The following RPSA2 variants were observed in gnomAD, a reference collection of about 807,000 sequenced individuals.
RPSA2 encodes the protein ribosomal protein SA 2, also known as small ribosomal subunit protein uS2B.
chr19:23,780,438 TC>T, the RPSA2 span, among the ~76,000 whole-genome samples: 7 of 151,990 alleles, frequency 4.6e-5, no homozygotes, highest in African/African-American at 1.7e-4. Context: ...GGTCAGGAGA[TC>T]GAGACCATCC....
At chr19:23,840,551 A>G in the RPSA2 span, among the ~76,000 whole-genome samples, 1 of 152,248 alleles carries the variant, frequency 6.6e-6, no homozygotes, top group African/African-American at 2.4e-5. Flanking sequence ...ACACTTAAAA[A>G]AGATGGAATT....
chr19:23,768,136 G>A, the RPSA2 span, among the ~76,000 whole-genome samples: 1 of 151,914 alleles, frequency 6.6e-6, no homozygotes, highest in Non-Finnish European at 1.5e-5. Context: ...AAAAGTCAAC[G>A]ACTATGAAAG....
chr19:23,768,417 G>T, the RPSA2 span, among the ~76,000 whole-genome samples: 1 of 150,098 alleles, frequency 6.7e-6, no homozygotes, highest in Non-Finnish European at 1.5e-5. Flanking sequence ...GGATATCTCT[G>T]TTCTGTATTC....
chr19:23,811,070 A>G, the RPSA2 span, among the ~76,000 whole-genome samples: 3 of 150,762 alleles, frequency 2.0e-5, no homozygotes, highest in African/African-American at 7.3e-5. Context: ...GCAGTGGCGA[A>G]TGCAGTGGCA....
the RPSA2 span, chr19:23,828,109 A>T: frequency 2.0e-6 from 1 of 503,584 alleles, no homozygotes; most frequent in South Asian, 2.2e-5. Context: ...AATAAACATC[A>T]GTTTCTAAAA....
chr19:23,860,605 G>A, the RPSA2 span, among the ~76,000 whole-genome samples: 7 of 152,158 alleles, frequency 4.6e-5, no homozygotes, highest in Non-Finnish European at 1.0e-4. Flanking sequence ...CAAGCTTGCT[G>A]ATAGTGATCT....
the RPSA2 span, among the ~76,000 whole-genome samples, chr19:23,775,340 C>G: frequency 6.6e-6 from 1 of 152,090 alleles, no homozygotes; most frequent in Non-Finnish European, 1.5e-5. Context: ...TATTAATAAG[C>G]CTAGCTTATA....
chr19:23,805,318 C>T, the RPSA2 span, among the ~76,000 whole-genome samples: 1 of 152,060 alleles, frequency 6.6e-6, no homozygotes, highest in Non-Finnish European at 1.5e-5. Context: ...GCATGTGCCA[C>T]CACGCCCTGC....
chr19:23,810,437 T>G, the RPSA2 span, among the ~76,000 whole-genome samples: 9 of 6,168 alleles, frequency 1.5e-3, 4 homozygotes, highest in Non-Finnish European at 0.021. Flanking sequence ...AGGGCTTGGA[T>G]AGTTGTAGTT....
the RPSA2 span, among the ~76,000 whole-genome samples, chr19:23,866,201 C>A: frequency 6.6e-6 from 1 of 152,190 alleles, no homozygotes; most frequent in Non-Finnish European, 1.5e-5. Flanking sequence ...AGTTACAGTG[C>A]AGTCTTTTCT....
the RPSA2 span, among the ~76,000 whole-genome samples, chr19:23,847,820 T>G: frequency 6.6e-6 from 1 of 152,114 alleles, no homozygotes; most frequent in Non-Finnish European, 1.5e-5. Flanking sequence ...CCCCCAGGAA[T>G]GCAATTCTTT....
chr19:23,832,551 A>T, the RPSA2 span: 1 of 859,372 alleles, frequency 1.2e-6, no homozygotes, highest in Non-Finnish European at 1.7e-6. Context: ...AAGAAACCCT[A>T]CAAATGTCAA....
chr19:23,825,125 G>A, the RPSA2 span, among the ~76,000 whole-genome samples: 13 of 151,942 alleles, frequency 8.6e-5, no homozygotes, highest in African/African-American at 2.9e-4. Context: ...GAGTACAGGT[G>A]CCCGCCACCA....
the RPSA2 span, among the ~76,000 whole-genome samples, chr19:23,870,088 C>T: frequency 6.6e-6 from 1 of 152,150 alleles, no homozygotes; most frequent in Non-Finnish European, 1.5e-5. Flanking sequence ...TGATGCCACC[C>T]CTGTTTGGCA....
At chr19:23,792,805 G>A in the RPSA2 span, among the ~76,000 whole-genome samples, 1 of 151,970 alleles carries the variant, frequency 6.6e-6, no homozygotes, top group African/African-American at 2.4e-5. Flanking sequence ...GAGCCACCGC[G>A]CCAGGCCAAG....
the RPSA2 span, among the ~76,000 whole-genome samples, chr19:23,814,529 C>A: frequency 2.0e-5 from 3 of 152,028 alleles, no homozygotes; most frequent in African/African-American, 7.2e-5. Context: ...AATTATAATG[C>A]ACCTTTGTTC....
At chr19:23,811,921 G>A in the RPSA2 span, among the ~76,000 whole-genome samples, 152,002 of 152,296 alleles carry the variant, frequency 1, 75,855 homozygotes, top group Middle Eastern at 1. Flanking sequence ...ATCCATTAAA[G>A]GTTTCTCATT....
At chr19:23,840,474 A>G in the RPSA2 span, among the ~76,000 whole-genome samples, 1 of 152,192 alleles carries the variant, frequency 6.6e-6, no homozygotes, top group Admixed American at 6.5e-5. Flanking sequence ...GTGAGGGAGA[A>G]AACTGCACCA....
chr19:23,805,570 CAT>C, the RPSA2 span, among the ~76,000 whole-genome samples: 148,770 of 152,196 alleles, frequency 0.98, 72,802 homozygotes, highest in Middle Eastern at 1. Context: ...AAGAGATGAA[CAT>C]GTGGTGCTCA....
Sources: allele counts gnomAD v4.1 joint callset (sites outside exome capture counted in the v4.1 genomes callset), GRCh38; gene constraint gnomAD v4.1.1; transcripts MANE v1.5; gene names NCBI Gene and HGNC (gene_info 2026-07-23, HGNC 2026-07-21).